POU6F2: variants seen among roughly 807,000 people sequenced by gnomAD.
POU6F2 encodes POU class 6 homeobox 2.
In POU6F2, 31 loss-of-function variants were observed where a neutral mutation model predicts 71.3. The observed-to-expected ratio is 0.43, with a 90% confidence interval of 0.33 to 0.59. The LOEUF is 0.59. Ranked by LOEUF, POU6F2 falls within the 20% of genes least tolerant of loss-of-function variation. POU6F2 has a pLI of 0.04. For synonymous variants in POU6F2, 347 were observed against 355.7 expected, an observed-to-expected ratio of 0.98 and a Z score of 0.27; for missense variants, 783 against 856.8, an observed-to-expected ratio of 0.91 and a Z score of 1.07.
intron 2 of POU6F2, among the ~76,000 whole-genome samples, chr7:39,188,324 T>G (rs1006558670): frequency 2.0e-5 from 3 of 152,092 alleles, no homozygotes; most frequent in African/African-American, 7.2e-5. Flanking sequence ...TTTTTAAAAT[T>G]TTTTTTGAGA....
At chr7:39,115,050 A>G (rs1379457434) in intron 2 of POU6F2, among the ~76,000 whole-genome samples, 1 of 152,218 alleles carries the variant, frequency 6.6e-6, no homozygotes, top group Admixed American at 6.5e-5. Flanking sequence ...TGTAAAGACA[A>G]AAGTGATCTC....
intron 6 of POU6F2, among the ~76,000 whole-genome samples, chr7:39,412,274 A>G (rs1562820359): frequency 6.6e-6 from 1 of 152,240 alleles, no homozygotes; most frequent in Non-Finnish European, 1.5e-5. Context: ...TTCTGTTAGG[A>G]TGAAAAACCA....
intron 9 of POU6F2, among the ~76,000 whole-genome samples, chr7:39,462,835 A>G (rs1469323124): frequency 2.0e-5 from 3 of 152,242 alleles, no homozygotes; most frequent in African/African-American, 7.2e-5. Flanking sequence ...AATGCTATGG[A>G]AATTGCATTA....
intron 1 of POU6F2, among the ~76,000 whole-genome samples, chr7:39,009,719 G>C (rs1278514505): frequency 6.6e-6 from 1 of 151,876 alleles, no homozygotes; most frequent in Non-Finnish European, 1.5e-5. Flanking sequence ...TTTATTGAGA[G>C]TTTTTAGCAT....
intron 5 of POU6F2, among the ~76,000 whole-genome samples, chr7:39,355,649 A>C (rs1353606730): frequency 6.6e-6 from 1 of 152,142 alleles, no homozygotes; most frequent in Non-Finnish European, 1.5e-5. Context: ...AAAAAGAACG[A>C]AAAAGAAATG....
At chr7:39,250,510 T>C (rs578255534) in intron 4 of POU6F2, among the ~76,000 whole-genome samples, 11 of 152,224 alleles carry the variant, frequency 7.2e-5, no homozygotes, top group Non-Finnish European at 1.0e-4. Flanking sequence ...TAACCTACTT[T>C]GGCCCTGTTT....
In POU6F2 at chr7:39,112,096, A is replaced by G. The variant is rs1791825205; in HGVS notation, c.277+26065A>G. ...TGGGATTCAGATGACCTCTGTTCTTACCCTTCCAGTTCTATAGTTCTGTAA... is the reference window on the plus strand; with the variant it reads ...TGGGATTCAGATGACCTCTGTTCTTGCCCTTCCAGTTCTATAGTTCTGTAA... On this transcript the variant is annotated intron_variant, in intron 2 of 9. Coordinates refer to ENST00000518318, the MANE Select transcript of POU6F2 (RefSeq NM_001370959.1). Among the ~76,000 whole-genome samples the G allele has an allele frequency of 3.9e-5, 6 of 152,224 alleles. No homozygotes were observed. The South Asian group carries it at 1.2e-3, about 32-fold the overall frequency.
intron 4 of POU6F2, among the ~76,000 whole-genome samples, chr7:39,284,728 G>A (rs1239135148): frequency 6.6e-6 from 1 of 152,042 alleles, no homozygotes; most frequent in African/African-American, 2.4e-5. Context: ...ATCATAGCAG[G>A]TTTGGGCTTT....
intron 2 of POU6F2, among the ~76,000 whole-genome samples, chr7:39,139,901 T>C (rs1378595416): frequency 6.6e-6 from 1 of 152,192 alleles, no homozygotes; most frequent in African/African-American, 2.4e-5. Flanking sequence ...CAATCAGTAG[T>C]AGCTAGATGA....
At chr7:39,056,159 A>G (rs909283970) in intron 1 of POU6F2, among the ~76,000 whole-genome samples, 1 of 151,988 alleles carries the variant, frequency 6.6e-6, no homozygotes, top group Non-Finnish European at 1.5e-5. Context: ...ATAAATTTTT[A>G]TTTACTCTCT....
intron 5 of POU6F2, among the ~76,000 whole-genome samples, chr7:39,343,534 C>T (rs534901597): frequency 9.2e-5 from 14 of 152,132 alleles, no homozygotes; most frequent in Non-Finnish European, 2.1e-4. Context: ...AAAGAAAACT[C>T]CTTGGGAGTT....
At position 39,137,942 on chromosome 7, in the gene POU6F2, C is replaced by T. The variant is rs148994110; in HGVS notation, c.277+51911C>T. Among the ~76,000 whole-genome samples, 93 of 152,310 alleles carry T rather than the reference C, an allele frequency of 6.1e-4. 1 individual carries two copies. In the East Asian group the frequency reaches 0.017, roughly 28 times the overall value. Reference sequence around the variant, plus strand: ...GCCTACAGTCCTGTGAAGAGGCCTACACCTAACTTGAGGACTGAGTAATGT... The same window carrying T: ...GCCTACAGTCCTGTGAAGAGGCCTATACCTAACTTGAGGACTGAGTAATGT... On this transcript the variant is annotated intron_variant, in intron 2 of 9. Transcript: ENST00000518318.
intron 4 of POU6F2, among the ~76,000 whole-genome samples, chr7:39,256,696 AAAG>A (rs755913449): frequency 2.0e-5 from 3 of 152,200 alleles, no homozygotes; most frequent in Non-Finnish European, 4.4e-5. Flanking sequence ...AGTCCCAATT[AAAG>A]AAGGTGTGAT....
At position 39,310,213 on chromosome 7, in the gene POU6F2, T is replaced by C. The variant is rs1410808504; in HGVS notation, c.599-29429T>C. Among the ~76,000 whole-genome samples the C allele has an allele frequency of 1.1e-4, 16 of 152,200 alleles. 2 individuals carry two copies. Among genetic ancestry groups the C allele is most frequent in the Admixed American group, 1.0e-3 (16 of 15,286 alleles). ...AGAAAGAAAAAAATCTTGTAAAGGATGGGAAGCCTTTCAGATCTGTGCATT... is the reference window on the plus strand; with the variant it reads ...AGAAAGAAAAAAATCTTGTAAAGGACGGGAAGCCTTTCAGATCTGTGCATT... On this transcript the variant is annotated intron_variant, in intron 4 of 9. Coordinates refer to ENST00000518318, the MANE Select transcript of POU6F2 (RefSeq NM_001370959.1).
chr7:39,251,016 A>G (rs1783905851), intron 4 of POU6F2, among the ~76,000 whole-genome samples: 1 of 152,228 alleles, frequency 6.6e-6, no homozygotes, highest in East Asian at 1.9e-4. Flanking sequence ...GCTAGGCTCA[A>G]AATTAAACAC....
chr7:39,401,625 A>G (rs951237528), intron 5 of POU6F2, among the ~76,000 whole-genome samples: 22 of 152,230 alleles, frequency 1.4e-4, no homozygotes, highest in Admixed American at 7.2e-4. Flanking sequence ...GGAAAAGTCA[A>G]GGTCCTAATG....
intron 1 of POU6F2, among the ~76,000 whole-genome samples, chr7:39,049,481 T>G (rs1790362109): frequency 6.6e-6 from 1 of 152,048 alleles, no homozygotes; most frequent in African/African-American, 2.4e-5. Context: ...GATCTCTTTC[T>G]TTCATTGATT....
chr7:39,134,454 G>A (rs2128730369), intron 2 of POU6F2, among the ~76,000 whole-genome samples: 1 of 152,274 alleles, frequency 6.6e-6, no homozygotes, highest in South Asian at 2.1e-4. Flanking sequence ...TCATGATAAT[G>A]ATAATGGTGA....
At chr7:39,285,111 C>G (rs981448444) in intron 4 of POU6F2, among the ~76,000 whole-genome samples, 1 of 152,176 alleles carries the variant, frequency 6.6e-6, no homozygotes, top group Non-Finnish European at 1.5e-5. Flanking sequence ...AGCGACAAAT[C>G]CTGGATTTTA....
Sources: allele counts gnomAD v4.1 joint callset (sites outside exome capture counted in the v4.1 genomes callset), GRCh38; gene constraint gnomAD v4.1.1; transcripts MANE v1.5; gene names NCBI Gene and HGNC (gene_info 2026-07-23, HGNC 2026-07-21).